Variants in FGD4 observed in about 807,000 individuals in gnomAD.
FGD4 encodes the protein FYVE, RhoGEF and PH domain-containing protein 4.
A neutral mutation model predicts 102.0 loss-of-function variants in FGD4; 42 were observed. The observed-to-expected ratio is 0.41, with a 90% CI of 0.32 to 0.53. The LOEUF is 0.53. Among genes scored for constraint, FGD4 ranks in the 20% least tolerant of loss-of-function variants. The pLI is 0.21. For missense variants in FGD4, 902 were observed against 1,078.2 expected (o/e 0.84, Z 2.29); for synonymous variants, 380 against 375.7 (o/e 1.01, Z -0.13).
At chr12:32,427,656 G>A (rs1941892383) in intron 1 of FGD4, among the ~76,000 whole-genome samples, 2 of 152,278 alleles carry the variant, frequency 1.3e-5, no homozygotes, top group African/African-American at 2.4e-5. Flanking sequence ...AATATTGACA[G>A]TGGGGTGTTA....
At chr12:32,472,657 C>G (rs1943447811) in intron 1 of FGD4, among the ~76,000 whole-genome samples, 1 of 152,222 alleles carries the variant, frequency 6.6e-6, no homozygotes, top group Non-Finnish European at 1.5e-5. Flanking sequence ...CATCGATCAC[C>G]CAAGGGCTGA....
intron 1 of FGD4, among the ~76,000 whole-genome samples, chr12:32,485,647 T>C (rs147541625): frequency 0.011 from 1,726 of 152,006 alleles, 38 homozygotes; most frequent in African/African-American, 0.039. Flanking sequence ...GGTTTCACCA[T>C]GTTAGCCAGG....
chr12:32,553,747 T>G (rs1038210543), intron 1 of FGD4, among the ~76,000 whole-genome samples: 1 of 152,168 alleles, frequency 6.6e-6, no homozygotes, highest in Non-Finnish European at 1.5e-5. Context: ...GTATGATGAG[T>G]CTCAAATATT....
chr12:32,429,043 A>AT (rs1941953027), intron 1 of FGD4, among the ~76,000 whole-genome samples: 1 of 151,936 alleles, frequency 6.6e-6, no homozygotes, highest in Non-Finnish European at 1.5e-5. Flanking sequence ...CATCACACTT[A>AT]TTTTCCATCC....
At chr12:32,532,433 G>T (rs34069511) in intron 1 of FGD4, among the ~76,000 whole-genome samples, 1 of 152,042 alleles carries the variant, frequency 6.6e-6, no homozygotes, top group Admixed American at 6.6e-5. Context: ...TCTGCAAAAT[G>T]GTGATAAATT....
intron 1 of FGD4, among the ~76,000 whole-genome samples, chr12:32,417,343 T>A (rs1941460439): frequency 6.6e-6 from 1 of 152,168 alleles, no homozygotes; most frequent in South Asian, 2.1e-4. Context: ...TACACTATTC[T>A]AGGGTAAATT....
rs1555188649 is a variant in FGD4 at position 32,495,706 on chromosome 12, A to AAAAAAG, written c.167-68426_167-68425insGAAAAA. ...GAGAGACTCTGTTTCAAAAAAAAAAAAAAAAAGAAGCTTTTCAGAATCCCC... is the reference window on the plus strand; with the variant it reads ...GAGAGACTCTGTTTCAAAAAAAAAAAAAAAAGAAAAAAGAAGCTTTTCAGAATCCCC... On this transcript the variant is annotated intron_variant, in intron 1 of 16. Coordinates refer to ENST00000534526, the MANE Select transcript of FGD4 (RefSeq NM_001370298.3). 5.1e-3 allele frequency among the ~76,000 whole-genome samples: 741 copies of AAAAAAG among 146,282 alleles called. 23 individuals are homozygous for AAAAAAG. The highest frequency in any genetic ancestry group is 0.017 in the African/African-American group (662 of 38,818).
intron 1 of FGD4, among the ~76,000 whole-genome samples, chr12:32,439,634 TA>T (rs1942359879): frequency 6.6e-6 from 1 of 152,244 alleles, no homozygotes; most frequent in African/African-American, 2.4e-5. Context: ...GGGAGTTTAT[TA>T]CATGCCTTGA....
At chr12:32,467,217 T>C (rs1022950293) in intron 1 of FGD4, among the ~76,000 whole-genome samples, 1 of 152,112 alleles carries the variant, frequency 6.6e-6, no homozygotes, top group Non-Finnish European at 1.5e-5. Flanking sequence ...GATTACAGTT[T>C]GGTAAAAGAA....
In FGD4 at chr12:32,484,922, T is replaced by C. The variant is rs112099086; in HGVS notation, c.167-79215T>C. Among the ~76,000 whole-genome samples the C allele has an allele frequency of 4.8e-3, 732 of 152,206 alleles. 8 individuals are homozygous for C. The highest frequency in any genetic ancestry group is 0.017 in the African/African-American group (692 of 41,508). ...AAATCCCATCTTATTTTTTAAGAAATGGCGCCTCACTCTGTCGCCCAGACT... is the reference window on the plus strand; with the variant it reads ...AAATCCCATCTTATTTTTTAAGAAACGGCGCCTCACTCTGTCGCCCAGACT... On this transcript the variant is annotated intron_variant, in intron 1 of 16. Coordinates refer to ENST00000534526, the MANE Select transcript of FGD4 (RefSeq NM_001370298.3).
At chr12:32,518,334 C>T (rs1940115971) in intron 1 of FGD4, among the ~76,000 whole-genome samples, 1 of 152,098 alleles carries the variant, frequency 6.6e-6, no homozygotes, top group South Asian at 2.1e-4. Flanking sequence ...CAAAATTAGC[C>T]GATACTGGTG....
intron 1 of FGD4, among the ~76,000 whole-genome samples, chr12:32,554,438 AG>A (rs1362168977): frequency 1.2e-4 from 19 of 152,214 alleles, no homozygotes; most frequent in Admixed American, 3.3e-4. Flanking sequence ...TGGCAAACAG[AG>A]AAAGTTGCCC....
At chr12:32,567,708 G>A (rs2136309305) in intron 2 of FGD4, among the ~76,000 whole-genome samples, 1 of 134,950 alleles carries the variant, frequency 7.4e-6, no homozygotes, top group South Asian at 2.3e-4. Context: ...TTTTTTGAGA[G>A]AGAGGGTTTT....
chr12:32,607,801 A>T (rs1228590935), intron 7 of FGD4, 156 bp from the exon 8 acceptor site: 1 of 758,982 alleles, frequency 1.3e-6, no homozygotes, highest in Non-Finnish European at 2.2e-6. Context: ...GGTGTGAGAC[A>T]CTGTGCCTGG....
At chr12:32,429,400 C>T (rs1489464288) in intron 1 of FGD4, among the ~76,000 whole-genome samples, 1 of 152,224 alleles carries the variant, frequency 6.6e-6, no homozygotes, top group Non-Finnish European at 1.5e-5. Context: ...CCTCTGGAAG[C>T]TTCGTCCCAG....
At chr12:32,634,520 AACGCAGCT>A (rs1950679677) in intron 15 of FGD4, among the ~76,000 whole-genome samples, 1 of 152,110 alleles carries the variant, frequency 6.6e-6, no homozygotes, top group Non-Finnish European at 1.5e-5. Flanking sequence ...TGAGAACTAT[AACGCAGCT>A]TATCTGAAAT....
At chr12:32,440,467 A>G (rs1326998395) in intron 1 of FGD4, among the ~76,000 whole-genome samples, 1 of 151,970 alleles carries the variant, frequency 6.6e-6, no homozygotes, top group Non-Finnish European at 1.5e-5. Context: ...CCGGGCAGAG[A>G]CTCCTGTTGT....
At chr12:32,599,445 G>A (rs113973305) in intron 5 of FGD4, among the ~76,000 whole-genome samples, 19,479 of 95,586 alleles carry the variant, frequency 0.2, 1,786 homozygotes, top group Middle Eastern at 0.42. Flanking sequence ...AGTGAGCCGA[G>A]ATCGCGCCAC....
chr12:32,553,737 G>A lies in FGD4; in HGVS notation c.167-10400G>A, dbSNP rs149482194. Among the ~76,000 whole-genome samples the A allele has an allele frequency of 6.0e-3, 916 of 152,302 alleles. 8 individuals carry two copies. The highest frequency in any genetic ancestry group is 0.02 in the African/African-American group (847 of 41,550). On this transcript the variant is annotated intron_variant, in intron 1 of 16. Coordinates refer to ENST00000534526, the MANE Select transcript of FGD4 (RefSeq NM_001370298.3). ...ACATTCTTTAATTTTAGGTAGCATT[G>A]TATGATGAGTCTCAAATATTGGCAG... is the stretch of plus-strand genomic sequence containing the variant.
Sources: allele counts gnomAD v4.1 joint callset (sites outside exome capture counted in the v4.1 genomes callset), GRCh38; gene constraint gnomAD v4.1.1; transcripts MANE v1.5; gene names NCBI Gene and HGNC (gene_info 2026-07-23, HGNC 2026-07-21).